SLC24A3: variants seen among roughly 807,000 people sequenced by gnomAD.
The protein encoded by SLC24A3 is solute carrier family 24 member 3, also known as sodium/potassium/calcium exchanger 3.
SLC24A3 carries 28 observed loss-of-function variants against 75.8 expected under a neutral mutation model. The observed-to-expected ratio is 0.37, with a 90% CI of 0.27 to 0.51. The LOEUF (loss-of-function observed/expected upper bound fraction) is 0.51. Among genes scored for constraint, SLC24A3 ranks in the 20% least tolerant of loss-of-function variants. The pLI is 0.94. For missense variants in SLC24A3, 663 were observed against 847.8 expected (o/e 0.78, Z 2.71); for synonymous variants, 372 against 334.1 (o/e 1.11, Z -1.24).
At chr20:19,587,723 C>T (rs986770436) in intron 6 of SLC24A3, among the ~76,000 whole-genome samples, 1 of 152,134 alleles carries the variant, frequency 6.6e-6, no homozygotes, top group East Asian at 1.9e-4. Context: ...GCTGTGGAAC[C>T]CTGGAGAAGT....
At chr20:19,268,522 T>C (rs1369791391) in intron 1 of SLC24A3, among the ~76,000 whole-genome samples, 1 of 152,312 alleles carries the variant, frequency 6.6e-6, no homozygotes, top group African/African-American at 2.4e-5. Context: ...TTCATGCTTT[T>C]TAATATCCAG....
At chr20:19,585,710 G>C (rs780797436) in intron 6 of SLC24A3, among the ~76,000 whole-genome samples, 166 bp downstream of exon 6, 7 of 152,156 alleles carry the variant, frequency 4.6e-5, no homozygotes, top group Non-Finnish European at 1.0e-4. Flanking sequence ...GGCCCAGCTA[G>C]AAGTGGAAAC....
chr20:19,669,602 G>T (rs191934841), intron 8 of SLC24A3, among the ~76,000 whole-genome samples: 15 of 152,324 alleles, frequency 9.8e-5, no homozygotes, highest in African/African-American at 3.4e-4. Flanking sequence ...AATTCGGAAT[G>T]TGTCTTCAGG....
chr20:19,361,041 A>G (rs1239579229), intron 2 of SLC24A3, among the ~76,000 whole-genome samples: 1 of 152,104 alleles, frequency 6.6e-6, no homozygotes, highest in Non-Finnish European at 1.5e-5. Flanking sequence ...GTTAGCCAGG[A>G]TGGTCTCGAT....
intron 2 of SLC24A3, among the ~76,000 whole-genome samples, chr20:19,423,524 G>A (rs1010096231): frequency 6.6e-6 from 1 of 152,140 alleles, no homozygotes; most frequent in Non-Finnish European, 1.5e-5. Flanking sequence ...GCAGCAGGAG[G>A]GTTTGCAGAA....
chr20:19,639,518 T>C (rs1200364635), intron 6 of SLC24A3, among the ~76,000 whole-genome samples: 1 of 152,170 alleles, frequency 6.6e-6, no homozygotes, highest in Non-Finnish European at 1.5e-5. Flanking sequence ...GGGCTAGACA[T>C]AAAGGTTCTC....
At chr20:19,396,539 C>T (rs892087283) in intron 2 of SLC24A3, among the ~76,000 whole-genome samples, 2 of 152,190 alleles carry the variant, frequency 1.3e-5, no homozygotes, top group South Asian at 2.1e-4. Context: ...TCAATAGCCA[C>T]GTTGTCAGTG....
chr20:19,266,749 C>T lies in SLC24A3; in HGVS notation c.143-14210C>T, dbSNP rs534413700. Among the ~76,000 whole-genome samples, 6 of 152,178 alleles carry T rather than the reference C, an allele frequency of 3.9e-5. No individual in the cohort carries two copies. The East Asian group carries it at 5.8e-4, about 15-fold the overall frequency. On this transcript the variant is annotated intron_variant, in intron 1 of 16. Coordinates refer to ENST00000328041, the MANE Select transcript of SLC24A3 (RefSeq NM_020689.4). ...TAGATGTATGAAAAATACAAGTGTT[C>T]GGAGTATATCAACAGAGCCTGAGGC...
chr20:19,577,745 G>A (rs1482242998), intron 3 of SLC24A3, among the ~76,000 whole-genome samples: 1 of 152,040 alleles, frequency 6.6e-6, no homozygotes, highest in Admixed American at 6.5e-5. Flanking sequence ...TTTTCATTTA[G>A]CAATGTATTA....
rs1981963548 is a variant in SLC24A3 at position 19,229,690 on chromosome 20, T to C, written c.142+16706T>C. Among the ~76,000 whole-genome samples, 5 of 152,330 alleles carry C rather than the reference T, an allele frequency of 3.3e-5. No homozygotes were observed. In the South Asian group the frequency reaches 1.0e-3, roughly 32 times the overall value. ...GCCTGGAGAATATGACCTTTAATTG[T>C]GGCTTCTTGTTGGTTTTGGTTGTTT... On this transcript the variant is annotated intron_variant, in intron 1 of 16. Transcript: ENST00000328041.
intron 1 of SLC24A3, among the ~76,000 whole-genome samples, chr20:19,258,382 G>A (rs1055033698): frequency 6.6e-6 from 1 of 152,226 alleles, no homozygotes; most frequent in Admixed American, 6.5e-5. Flanking sequence ...CTTTTTAGAT[G>A]ATAATTAGAA....
In SLC24A3 at chr20:19,685,357, C is replaced by G; in HGVS notation, c.1320C>G (p.Thr440=). 1 of 1,613,168 alleles carries G rather than the reference C, an allele frequency of 6.2e-7. No homozygotes were observed. The part of the protein sequence containing the change: ...DDEGPYTPFD[T]PSGKLETVKW... The stretch of plus-strand genomic sequence containing the variant: ...AAGGACCGTACACACCATTCGACAC[C>G]CCCTGTAAGAGGTTCTATGTCTGGG... The change falls in exon 12 of 17, where the codon ACC becomes ACG. Residue 440 remains threonine, a synonymous_variant. Transcript: ENST00000328041.
chr20:19,358,957 A>G (rs1196337333), intron 2 of SLC24A3, among the ~76,000 whole-genome samples: 3 of 152,136 alleles, frequency 2.0e-5, no homozygotes, highest in Non-Finnish European at 4.4e-5. Flanking sequence ...CACTTCATTC[A>G]CTTTTATAAC....
chr20:19,637,026 C>T (rs188380449), intron 6 of SLC24A3, among the ~76,000 whole-genome samples: 237 of 152,236 alleles, frequency 1.6e-3, no homozygotes, highest in Non-Finnish European at 3.1e-4. Flanking sequence ...GGCCTGGCAC[C>T]GTGGCTCACA....
chr20:19,472,429 T>A (rs538159814), intron 2 of SLC24A3, among the ~76,000 whole-genome samples: 3 of 152,320 alleles, frequency 2.0e-5, no homozygotes, highest in Non-Finnish European at 2.9e-5. Context: ...GATGTAGGCT[T>A]TGCTAGCAAG....
At chr20:19,594,246 C>T (rs1050298528) in intron 6 of SLC24A3, among the ~76,000 whole-genome samples, 2 of 152,144 alleles carry the variant, frequency 1.3e-5, no homozygotes, top group African/African-American at 4.8e-5. Flanking sequence ...GTCTTCCCTC[C>T]TATCAACCCC....
intron 6 of SLC24A3, among the ~76,000 whole-genome samples, chr20:19,600,963 C>T (rs1408767856): frequency 3.3e-5 from 5 of 152,272 alleles, no homozygotes; most frequent in African/African-American, 9.6e-5. Context: ...ACCTGGCCAA[C>T]GCTAAGTTTT....
chr20:19,327,221 G>T (rs929554755), intron 2 of SLC24A3, among the ~76,000 whole-genome samples: 1 of 152,186 alleles, frequency 6.6e-6, no homozygotes, highest in Admixed American at 6.5e-5. Flanking sequence ...CTATTGAGAA[G>T]GTCACTGTTG....
intron 1 of SLC24A3, among the ~76,000 whole-genome samples, chr20:19,269,222 G>C (rs1983253771): frequency 6.6e-6 from 1 of 152,202 alleles, no homozygotes; most frequent in South Asian, 2.1e-4. Context: ...TGCAAATATG[G>C]GACATTCCCA....
Sources: allele counts gnomAD v4.1 joint callset (sites outside exome capture counted in the v4.1 genomes callset), GRCh38; gene constraint gnomAD v4.1.1; transcripts MANE v1.5; gene names NCBI Gene and HGNC (gene_info 2026-07-23, HGNC 2026-07-21).